GALNTL6: variants seen among roughly 807,000 people sequenced by gnomAD.
GALNTL6 encodes the protein polypeptide N-acetylgalactosaminyltransferase-like 6.
GALNTL6 carries 46 observed loss-of-function variants against 73.7 expected under a neutral mutation model. The ratio of observed to expected loss-of-function variants is 0.62; its 90% confidence interval spans 0.49 to 0.80. The LOEUF is 0.80. Among genes scored for constraint, GALNTL6 ranks in the 30% least tolerant of loss-of-function variants. The probability of loss-of-function intolerance (pLI) is 0.00; values close to 1 mark genes in which losing one functional copy is unlikely to be tolerated. For missense variants in GALNTL6, 604 were observed against 755.0 expected (o/e 0.80, Z 2.34); for synonymous variants, 259 against 263.7 (o/e 0.98, Z 0.17).
intron 2 of GALNTL6, among the ~76,000 whole-genome samples, chr4:171,923,130 G>A (rs568504335): frequency 6.6e-6 from 1 of 152,184 alleles, no homozygotes; most frequent in African/African-American, 2.4e-5. Context: ...AAATAAATAT[G>A]GAGAAACACC....
chr4:172,342,790 C>T (rs931891570), intron 4 of GALNTL6, among the ~76,000 whole-genome samples: 8 of 152,174 alleles, frequency 5.3e-5, no homozygotes, highest in African/African-American at 1.4e-4. Flanking sequence ...ATGTTTCTGA[C>T]TCTATTCCTT....
chr4:172,202,806 A>G (rs1401446392), intron 2 of GALNTL6, among the ~76,000 whole-genome samples: 1 of 152,192 alleles, frequency 6.6e-6, no homozygotes, highest in Non-Finnish European at 1.5e-5. Flanking sequence ...TATATAATAG[A>G]GTTATATATT....
intron 2 of GALNTL6, among the ~76,000 whole-genome samples, chr4:172,085,858 G>T (rs1433462486): frequency 6.6e-6 from 1 of 151,978 alleles, no homozygotes; most frequent in Non-Finnish European, 1.5e-5. Flanking sequence ...TTTTAATTTT[G>T]TGCTTTATCA....
chr4:171,815,559 A>T (rs1349571025), intron 2 of GALNTL6: 1 of 152,246 alleles, frequency 6.6e-6, no homozygotes, highest in African/African-American at 2.4e-5. Context: ...TAAATAAAAT[A>T]GCTTCCGTAA....
intron 5 of GALNTL6, among the ~76,000 whole-genome samples, chr4:172,519,684 C>T (rs753769724): frequency 7.9e-5 from 12 of 151,494 alleles, no homozygotes; most frequent in Non-Finnish European, 1.2e-4. Context: ...AAGTACTGAG[C>T]GAAATAGATT....
At chr4:172,341,028 C>G (rs1031186121) in intron 4 of GALNTL6, among the ~76,000 whole-genome samples, 7 of 152,146 alleles carry the variant, frequency 4.6e-5, no homozygotes, top group African/African-American at 1.7e-4. Flanking sequence ...TTAGGGAGAT[C>G]ATTTGGATCT....
chr4:172,297,351 T>G (rs1328985043), intron 3 of GALNTL6, among the ~76,000 whole-genome samples: 1 of 152,284 alleles, frequency 6.6e-6, no homozygotes, highest in East Asian at 1.9e-4. Context: ...CAGAAGCTCT[T>G]TAGTTTAATT....
intron 5 of GALNTL6, among the ~76,000 whole-genome samples, chr4:172,573,938 A>C (rs1206194727): frequency 6.6e-6 from 1 of 152,172 alleles, no homozygotes; most frequent in Admixed American, 6.5e-5. Context: ...AAGTGACCAG[A>C]GTAATACATT....
At chr4:172,793,941 T>C (rs184530254) in intron 5 of GALNTL6, among the ~76,000 whole-genome samples, 27 of 150,234 alleles carry the variant, frequency 1.8e-4, no homozygotes, top group African/African-American at 6.3e-4. Context: ...TGTGTGTGTA[T>C]GTATTCTCCG....
At chr4:172,782,219 CA>C (rs1432588067) in intron 5 of GALNTL6, among the ~76,000 whole-genome samples, 1 of 152,136 alleles carries the variant, frequency 6.6e-6, no homozygotes, top group African/African-American at 2.4e-5. Flanking sequence ...GGCAAACACA[CA>C]TATGCACAAA....
At chr4:171,984,365 G>T (rs1205898485) in intron 2 of GALNTL6, among the ~76,000 whole-genome samples, 1 of 152,180 alleles carries the variant, frequency 6.6e-6, no homozygotes, top group African/African-American at 2.4e-5. Flanking sequence ...CAGAAAGCAG[G>T]CACTTTTAAA....
intron 2 of GALNTL6, among the ~76,000 whole-genome samples, chr4:172,136,771 A>T (rs1402281340): frequency 5.3e-5 from 8 of 152,028 alleles, no homozygotes; most frequent in Non-Finnish European, 5.9e-5. Flanking sequence ...CTATAGAATG[A>T]GTAAGATCAT....
chr4:172,854,607 C>T (rs1225812720), intron 7 of GALNTL6, among the ~76,000 whole-genome samples: 3 of 152,156 alleles, frequency 2.0e-5, no homozygotes, highest in African/African-American at 7.2e-5. Context: ...CCAAAAGTCA[C>T]TCCTTTCAAC....
At chr4:172,193,132 AC>A (rs529646937) in intron 2 of GALNTL6, among the ~76,000 whole-genome samples, 5 of 152,158 alleles carry the variant, frequency 3.3e-5, no homozygotes, top group Non-Finnish European at 5.9e-5. Context: ...GAGAGGGACT[AC>A]CCCCAGCACA....
chr4:172,190,396 A>G (rs1350629148), intron 2 of GALNTL6, among the ~76,000 whole-genome samples: 1 of 152,344 alleles, frequency 6.6e-6, no homozygotes, highest in Non-Finnish European at 1.5e-5. Context: ...GGGTCAGTGG[A>G]TACCAAATGT....
intron 2 of GALNTL6, among the ~76,000 whole-genome samples, chr4:172,018,471 A>T (rs1168097915): frequency 1.3e-5 from 2 of 151,988 alleles, no homozygotes; most frequent in Non-Finnish European, 1.5e-5. Flanking sequence ...TGTGCAGTAT[A>T]GTTTGCCAGG....
chr4:171,926,216 T>A (rs917213447), intron 2 of GALNTL6, among the ~76,000 whole-genome samples: 2 of 152,134 alleles, frequency 1.3e-5, no homozygotes, highest in African/African-American at 4.8e-5. Flanking sequence ...CAAACATACT[T>A]ATTTCATCAG....
intron 5 of GALNTL6, among the ~76,000 whole-genome samples, chr4:172,387,757 C>T (rs563822964): frequency 6.6e-6 from 1 of 152,096 alleles, no homozygotes; most frequent in Non-Finnish European, 1.5e-5. Flanking sequence ...GTCTCTTCAC[C>T]TTCTTCTGCC....
intron 5 of GALNTL6, among the ~76,000 whole-genome samples, chr4:172,585,478 C>A (rs28580132): frequency 0.018 from 2,769 of 152,228 alleles, 82 homozygotes; most frequent in African/African-American, 0.062. Flanking sequence ...CATTGTTCAA[C>A]CCCCTCTTAT....
Sources: gnomAD v4.1 joint callset for allele counts (sites outside exome capture counted in the v4.1 genomes callset) on GRCh38, gnomAD v4.1.1 for gene constraint, MANE v1.5 for transcripts, NCBI Gene and HGNC (gene_info 2026-07-23, HGNC 2026-07-21) for gene names.